The following SLC7A2 variants were observed in gnomAD, a reference collection of about 807,000 sequenced individuals.
The protein encoded by SLC7A2 is solute carrier family 7 member 2.
Under a neutral mutation model 58.9 loss-of-function variants are expected in SLC7A2, and 48 were observed. That is an observed-to-expected ratio of 0.82 (90% CI 0.65 to 1.04). The LOEUF is 1.04. Ranked by LOEUF, SLC7A2 falls within the 50% of genes least tolerant of loss-of-function variation. The pLI is 0.00. For missense variants in SLC7A2, 1,029 were observed against 818.8 expected (o/e 1.26, Z -3.13); for synonymous variants, 363 against 314.5 (o/e 1.15, Z -1.63).
intron 8 of SLC7A2, among the ~76,000 whole-genome samples, chr8:17,556,724 T>G (rs1802723002): frequency 6.6e-6 from 1 of 152,040 alleles, no homozygotes; most frequent in South Asian, 2.1e-4. Context: ...TTCTCCTGCC[T>G]CAGCCTCCTG....
intron 2 of SLC7A2, among the ~76,000 whole-genome samples, chr8:17,538,221 C>A (rs534873245): frequency 6.6e-6 from 1 of 152,196 alleles, no homozygotes; most frequent in African/African-American, 2.4e-5. Flanking sequence ...GGTTTTATTA[C>A]AGTGCTTGTA....
At chr8:17,518,443 G>T (rs1401792755) in intron 2 of SLC7A2, among the ~76,000 whole-genome samples, 2 of 152,044 alleles carry the variant, frequency 1.3e-5, no homozygotes, top group African/African-American at 4.8e-5. Context: ...ACTATTTATT[G>T]GTAGGAGCTG....
intron 5 of SLC7A2, 86 bp from the exon 6 acceptor site, chr8:17,550,215 C>A: frequency 7.8e-7 from 1 of 1,278,314 alleles, no homozygotes; most frequent in Non-Finnish European, 1.1e-6. Flanking sequence ...ACACAACCAC[C>A]TTCCAAGGAT....
chr8:17,522,293 G>GT (rs962292787), intron 2 of SLC7A2, among the ~76,000 whole-genome samples: 1 of 152,060 alleles, frequency 6.6e-6, no homozygotes, highest in Admixed American at 6.5e-5. Context: ...TGAGAACAGT[G>GT]TGGGGGAAAC....
chr8:17,555,037 A>C, intron 8 of SLC7A2: 3 of 1,613,972 alleles, frequency 1.9e-6, no homozygotes, highest in Non-Finnish European at 2.5e-6. Flanking sequence ...AGTGAGTAAG[A>C]GGCAGTCACC....
At chr8:17,550,235 G>A in intron 5 of SLC7A2, 66 bp from the exon 6 acceptor site, 2 of 1,513,408 alleles carry the variant, frequency 1.3e-6, no homozygotes, top group Non-Finnish European at 9.1e-7. Flanking sequence ...TATAGTCTGA[G>A]AAAAGTCACC....
chr8:17,511,693 G>A (rs904251440), intron 2 of SLC7A2, among the ~76,000 whole-genome samples: 4 of 152,118 alleles, frequency 2.6e-5, no homozygotes, highest in South Asian at 4.1e-4. Flanking sequence ...TGAAGGTGAC[G>A]TTTTTCAAGG....
In SLC7A2 at chr8:17,507,231, C is replaced by T. The variant is rs144449540; in HGVS notation, c.-23+4929C>T. On this transcript the variant is annotated intron_variant, in intron 2 of 12. Coordinates refer to ENST00000494857, the MANE Select transcript of SLC7A2 (RefSeq NM_001370338.1). Reference sequence around the variant, plus strand: ...AAGTGCTGCGATTACAGGCGTGAGCCACTGTGTCTGGCCTATGTGGAATTT... The same window carrying T: ...AAGTGCTGCGATTACAGGCGTGAGCTACTGTGTCTGGCCTATGTGGAATTT... Among the ~76,000 whole-genome samples the T allele has an allele frequency of 5.7e-4, 87 of 152,264 alleles. 1 individual carries two copies. The highest frequency in any genetic ancestry group is 2.0e-3 in the African/African-American group (82 of 41,552).
chr8:17,543,295 C>T (rs778219285), intron 2 of SLC7A2, 23 bp from the exon 3 acceptor site: 3 of 1,567,734 alleles, frequency 1.9e-6, no homozygotes, highest in Non-Finnish European at 2.6e-6. Flanking sequence ...AGATCAGCTT[C>T]TAACCTCCTC....
In SLC7A2 at chr8:17,558,417, T is replaced by C; in HGVS notation, c.1298+20T>C. On this transcript the variant is annotated intron_variant, in intron 9 of 12. Coordinates refer to ENST00000494857, the MANE Select transcript of SLC7A2 (RefSeq NM_001370338.1). ...CCTCAGGTGAGTCACCTGGTGGTTC[T>C]ACAGGGTGTACCATGCACGAGGGAC... is the stretch of plus-strand genomic sequence containing the variant. The C allele has an allele frequency of 3.4e-6, 5 of 1,491,790 alleles. No homozygotes were observed. The highest frequency in any genetic ancestry group is 4.7e-6 in the Non-Finnish European group (5 of 1,069,744). 92.4% of individuals were successfully genotyped at this position (1,491,790 alleles called of 1,614,324 possible).
At chr8:17,550,856 T>C (rs569702005) in intron 6 of SLC7A2, among the ~76,000 whole-genome samples, 75 of 152,348 alleles carry the variant, frequency 4.9e-4, no homozygotes, top group African/African-American at 1.8e-3. Flanking sequence ...GTTCTTTCTA[T>C]GTTATCTTAT....
chr8:17,543,421 A>G lies in SLC7A2; in HGVS notation c.82A>G (p.Thr28Ala). ...KIVTLDSLED[T>A]KLCRCLSTMD... ...CGTGACCCTGGACAGTCTAGAAGAC[A>G]CCAAATTATGCCGCTGCTTATCCAC... Residue 28 changes from threonine to alanine, a missense_variant, in exon 3 of 13, where the codon ACC becomes GCC. Thr to Ala is a moderately conservative substitution (Grantham distance 58). Coordinates refer to ENST00000494857, the MANE Select transcript of SLC7A2 (RefSeq NM_001370338.1). 6.2e-7 allele frequency: 1 copy of G among 1,614,168 alleles called. No homozygotes were observed. The highest frequency in any genetic ancestry group is 1.7e-5 in the Admixed American group (1 of 60,020).
intron 12 of SLC7A2, 126 bp from the exon 13 acceptor site, chr8:17,564,824 G>T: frequency 1.2e-6 from 1 of 800,152 alleles, no homozygotes; most frequent in South Asian, 1.9e-5. Context: ...GGTGACCCCC[G>T]TTCTAAAGTA....
At chr8:17,496,954 T>C (rs2517153), upstream of SLC7A2, 135,946 of 151,160 alleles carry the variant, frequency 0.9, 61,223 homozygotes, top group Non-Finnish European at 0.93. Context: ...CGGGGATTGG[T>C]CAGCGCGGCC....
At chr8:17,544,235 G>T (rs1168373740) in intron 3 of SLC7A2, among the ~76,000 whole-genome samples, 2 of 152,120 alleles carry the variant, frequency 1.3e-5, no homozygotes, top group Non-Finnish European at 2.9e-5. Flanking sequence ...AACTTTTTAA[G>T]TTATAATTCT....
upstream of SLC7A2, among the ~76,000 whole-genome samples, chr8:17,494,395 C>T (rs1408298862): frequency 6.6e-6 from 1 of 152,138 alleles, no homozygotes; most frequent in Non-Finnish European, 1.5e-5. Flanking sequence ...ACTCTCTCTG[C>T]TGAAAATGAC....
In SLC7A2 at chr8:17,568,266, G is replaced by A. The variant is rs1033678165; in HGVS notation, c.*3120G>A. 1 of 151,782 alleles carries A rather than the reference G, an allele frequency of 6.6e-6. No individual in the cohort carries two copies. Among genetic ancestry groups the A allele is most frequent in the East Asian group, 1.9e-4 (1 of 5,162 alleles). 9.4% of individuals were successfully genotyped at this position (151,782 alleles called of 1,614,324 possible). A position where few individuals can be genotyped will look rare whatever the true frequency, so the allele number is the denominator to read the frequency against. ...CTCTTAAAAAAAAACAATAATTTGT[G>A]AATTACCACCAAAAGGCAATGGCAG... On this transcript the variant is annotated 3_prime_UTR_variant, in exon 13 of 13. Transcript: ENST00000494857.
At chr8:17,541,998 A>G (rs1330674300) in intron 2 of SLC7A2, among the ~76,000 whole-genome samples, 1 of 147,802 alleles carries the variant, frequency 6.8e-6, no homozygotes, top group African/African-American at 2.4e-5. Context: ...TTAAAAGAAC[A>G]TAGAATAATA....
chr8:17,512,128 T>C (rs1300753919), intron 2 of SLC7A2, among the ~76,000 whole-genome samples: 1 of 152,196 alleles, frequency 6.6e-6, no homozygotes, highest in Non-Finnish European at 1.5e-5. Flanking sequence ...TCCTGTGAGC[T>C]CTTAGAACGT....
Sources: gnomAD v4.1 joint callset for allele counts (sites outside exome capture counted in the v4.1 genomes callset) on GRCh38, gnomAD v4.1.1 for gene constraint, MANE v1.5 for transcripts, NCBI Gene and HGNC (gene_info 2026-07-23, HGNC 2026-07-21) for gene names.